The following HS3ST4 variants were observed in gnomAD, a reference collection of about 807,000 sequenced individuals.
HS3ST4 encodes heparan sulfate glucosamine 3-O-sulfotransferase 4.
HS3ST4 carries 17 observed loss-of-function variants against 29.2 expected under a neutral mutation model. That is an observed-to-expected ratio of 0.58 (90% CI 0.40 to 0.87). The LOEUF (loss-of-function observed/expected upper bound fraction) is 0.87, where lower values mean the gene tolerates loss of function less well. Ranked by LOEUF, HS3ST4 falls within the 40% of genes least tolerant of loss-of-function variation. HS3ST4 has a pLI of 0.00. For synonymous variants in HS3ST4, 314 were observed against 285.7 expected, an observed-to-expected ratio of 1.10 and a Z score of -1.00; for missense variants, 627 against 634.5, an observed-to-expected ratio of 0.99 and a Z score of 0.13.
At chr16:25,707,171 C>T (rs181402788) in intron 1 of HS3ST4, among the ~76,000 whole-genome samples, 61 of 152,204 alleles carry the variant, frequency 4.0e-4, no homozygotes, top group African/African-American at 1.4e-3. Flanking sequence ...ATGATGGCCC[C>T]AGAGTGCAAG....
chr16:25,766,557 A>G (rs1966820302), intron 1 of HS3ST4, among the ~76,000 whole-genome samples: 2 of 152,288 alleles, frequency 1.3e-5, no homozygotes, highest in Middle Eastern at 3.4e-3. Flanking sequence ...ATTTGTTTAT[A>G]TATTATCAAT....
chr16:25,964,179 A>T (rs1205973071), intron 1 of HS3ST4, among the ~76,000 whole-genome samples: 1 of 94,778 alleles, frequency 1.1e-5, no homozygotes, highest in Non-Finnish European at 2.0e-5. Flanking sequence ...CCATCTCATA[A>T]AAAAAAAAAA....
At chr16:26,029,116 T>C (rs1488104311) in intron 1 of HS3ST4, 4 of 152,262 alleles carry the variant, frequency 2.6e-5, no homozygotes, top group Non-Finnish European at 5.9e-5. Flanking sequence ...TCATGAATTC[T>C]GAGAATTTGG....
intron 1 of HS3ST4, among the ~76,000 whole-genome samples, chr16:26,109,384 G>T (rs543585751): frequency 6.6e-6 from 1 of 152,300 alleles, no homozygotes; most frequent in Admixed American, 6.5e-5. Context: ...TGAGGTTTGT[G>T]TGGTAGGCAT....
At chr16:25,765,542 A>G (rs1966812642) in intron 1 of HS3ST4, among the ~76,000 whole-genome samples, 1 of 152,150 alleles carries the variant, frequency 6.6e-6, no homozygotes, top group Non-Finnish European at 1.5e-5. Flanking sequence ...GGCTGATTGC[A>G]TCCTTCTGTG....
chr16:26,011,629 C>T (rs1293056177), intron 1 of HS3ST4, among the ~76,000 whole-genome samples: 2 of 151,132 alleles, frequency 1.3e-5, no homozygotes, highest in African/African-American at 2.4e-5. Flanking sequence ...CCTCAGCCTG[C>T]GTTTGGTTGA....
chr16:25,777,415 G>A (rs1966848516), intron 1 of HS3ST4, among the ~76,000 whole-genome samples: 1 of 45,494 alleles, frequency 2.2e-5, no homozygotes, highest in South Asian at 5.5e-4. Flanking sequence ...ACACCAAAGT[G>A]TGTGTGTGTG....
intron 1 of HS3ST4, among the ~76,000 whole-genome samples, chr16:26,060,944 G>T (rs982756952): frequency 6.6e-6 from 1 of 152,160 alleles, no homozygotes. Context: ...TTTTCACTCT[G>T]CAGTGAGTCC....
chr16:25,981,774 A>C (rs1329838869), intron 1 of HS3ST4, among the ~76,000 whole-genome samples: 4 of 152,106 alleles, frequency 2.6e-5, no homozygotes, highest in African/African-American at 9.7e-5. Context: ...CATGATAGTC[A>C]CTCAATAAAG....
intron 1 of HS3ST4, among the ~76,000 whole-genome samples, chr16:25,734,797 G>GT: frequency 6.6e-6 from 1 of 152,296 alleles, no homozygotes; most frequent in Admixed American, 6.5e-5. Flanking sequence ...GGGAGTGCTA[G>GT]AAGCCTAAGG....
At chr16:26,031,129 T>A (rs1969526680) in intron 1 of HS3ST4, among the ~76,000 whole-genome samples, 1 of 152,142 alleles carries the variant, frequency 6.6e-6, no homozygotes, top group East Asian at 1.9e-4. Context: ...GAGGTAGCTG[T>A]GGGTCCAGCC....
chr16:25,854,801 AAG>A (rs1174491049), intron 1 of HS3ST4, among the ~76,000 whole-genome samples: 1 of 151,696 alleles, frequency 6.6e-6, no homozygotes, highest in African/African-American at 2.4e-5. Flanking sequence ...AAAAAAAAAA[AAG>A]AAAATGCAAA....
chr16:25,840,730 T>C (rs1967403229), intron 1 of HS3ST4, among the ~76,000 whole-genome samples: 1 of 152,148 alleles, frequency 6.6e-6, no homozygotes, highest in South Asian at 2.1e-4. Context: ...CAGCAAAGAA[T>C]TTAATCACCT....
At chr16:26,097,777 A>G (rs1898944132) in intron 1 of HS3ST4, among the ~76,000 whole-genome samples, 1 of 152,206 alleles carries the variant, frequency 6.6e-6, no homozygotes, top group East Asian at 1.9e-4. Context: ...AAAATAAACT[A>G]CCATCAGAGT....
chr16:26,066,531 T>G (rs1170584154), intron 1 of HS3ST4, among the ~76,000 whole-genome samples: 1 of 152,196 alleles, frequency 6.6e-6, no homozygotes. Flanking sequence ...TCTTTCCTTC[T>G]CTCCCTCTCT....
chr16:26,104,839 T>G (rs1041098069), intron 1 of HS3ST4, among the ~76,000 whole-genome samples: 4 of 152,186 alleles, frequency 2.6e-5, no homozygotes, highest in South Asian at 2.1e-4. Flanking sequence ...GCAGGAACCT[T>G]AAGCAGTCCT....
chr16:25,951,340 C>A (rs1037667851), intron 1 of HS3ST4, among the ~76,000 whole-genome samples: 2 of 152,200 alleles, frequency 1.3e-5, no homozygotes, highest in South Asian at 2.1e-4. Context: ...AGTTAGGCAA[C>A]CTTGGGTGTG....
chr16:25,824,511 G>A (rs1967196965), intron 1 of HS3ST4, among the ~76,000 whole-genome samples: 1 of 152,174 alleles, frequency 6.6e-6, no homozygotes, highest in African/African-American at 2.4e-5. Flanking sequence ...AGCTTGTGCG[G>A]GGGAGCTCCT....
intron 1 of HS3ST4, among the ~76,000 whole-genome samples, chr16:25,999,204 G>T (rs557374355): frequency 4.6e-4 from 70 of 152,194 alleles, no homozygotes; most frequent in African/African-American, 1.7e-3. Context: ...GAGGCAGGTT[G>T]TACACTAATT....
Sources: gnomAD v4.1 joint callset for allele counts (sites outside exome capture counted in the v4.1 genomes callset) on GRCh38, gnomAD v4.1.1 for gene constraint, MANE v1.5 for transcripts, NCBI Gene and HGNC (gene_info 2026-07-23, HGNC 2026-07-21) for gene names.